Variants in TRIO observed in about 807,000 individuals in gnomAD.
The protein encoded by TRIO is trio Rho guanine nucleotide exchange factor.
TRIO carries 58 observed loss-of-function variants against 351.9 expected under a neutral mutation model. The observed-to-expected ratio is 0.16, with a 90% CI of 0.13 to 0.21. The LOEUF (loss-of-function observed/expected upper bound fraction) is 0.21. Ranked by LOEUF, TRIO falls within the 10% of genes least tolerant of loss-of-function variation. The pLI, the probability that TRIO is intolerant of heterozygous loss-of-function variation, is 1.00. For synonymous variants in TRIO, 1,758 were observed against 1,595.7 expected (o/e 1.10, Z -2.42); for missense variants, 3,201 against 4,027.8 (o/e 0.79, Z 5.56).
rs1194719957 is a variant in TRIO at position 14,492,673 on chromosome 5, T to C, written c.7739T>C (p.Ile2580Thr). ...INVYQGEVVQ[I>T]LASNQQNMFL... is the part of the protein sequence containing the mutation. ...GTCTACCAAGGAGAGGTCGTTCAAA[T>C]TCTGGCCAGCAACCAGCAGAACATG... is the stretch of plus-strand genomic sequence containing the variant. The change falls in exon 49 of 57, where the codon ATT (isoleucine) becomes ACT (threonine). Residue 2580 changes from isoleucine to threonine, a missense_variant. Physicochemically the swap from Ile to Thr is moderately conservative, Grantham distance 89 (BLOSUM62 -1). Coordinates refer to ENST00000344204, the MANE Select transcript of TRIO (RefSeq NM_007118.4). 6.2e-7 allele frequency: 1 copy of C among 1,614,210 alleles called. No individual in the cohort carries two copies. The highest frequency in any genetic ancestry group is 1.7e-5 in the Admixed American group (1 of 60,028).
chr5:14,293,608 G>T (rs1737093158), intron 6 of TRIO, among the ~76,000 whole-genome samples: 1 of 152,204 alleles, frequency 6.6e-6, no homozygotes, highest in Non-Finnish European at 1.5e-5. Flanking sequence ...CTGGAGGACT[G>T]GGATCTGGCC....
intron 1 of TRIO, among the ~76,000 whole-genome samples, chr5:14,256,652 T>G (rs1338147252): frequency 6.6e-6 from 1 of 152,236 alleles, no homozygotes; most frequent in Admixed American, 6.5e-5. Flanking sequence ...TTAGAAGGAT[T>G]GATTAAAAAG....
chr5:14,454,303 G>A (rs1237076009), intron 34 of TRIO, among the ~76,000 whole-genome samples: 1 of 152,154 alleles, frequency 6.6e-6, no homozygotes, highest in Admixed American at 6.5e-5. Flanking sequence ...TTACATGACA[G>A]GCAGTGTTCA....
At chr5:14,465,521 T>C (rs1460705093) in intron 36 of TRIO, 24 bp from the exon 37 acceptor site, 1 of 1,588,672 alleles carries the variant, frequency 6.3e-7, no homozygotes, top group Admixed American at 1.7e-5. Flanking sequence ...CCCCACCCCC[T>C]CCTTTTCTTA....
At chr5:14,240,851 A>G (rs1298321190) in intron 1 of TRIO, among the ~76,000 whole-genome samples, 1 of 152,152 alleles carries the variant, frequency 6.6e-6, no homozygotes, top group African/African-American at 2.4e-5. Context: ...CCCCTTTTTT[A>G]ACTATTGAGA....
At chr5:14,169,085 G>A (rs541872199) in intron 1 of TRIO, among the ~76,000 whole-genome samples, 78 of 151,998 alleles carry the variant, frequency 5.1e-4, no homozygotes, top group Non-Finnish European at 8.1e-4. Context: ...GTGAATGCAT[G>A]GTTTAGGTTT....
At chr5:14,185,235 AC>A (rs540650660) in intron 1 of TRIO, among the ~76,000 whole-genome samples, 211 of 150,586 alleles carry the variant, frequency 1.4e-3, no homozygotes, top group African/African-American at 4.7e-3. Flanking sequence ...CACCCTTGAA[AC>A]CAGAACAGTG....
At chr5:14,276,484 T>C (rs1177079809) in intron 2 of TRIO, among the ~76,000 whole-genome samples, 1 of 152,270 alleles carries the variant, frequency 6.6e-6, no homozygotes, top group Non-Finnish European at 1.5e-5. Flanking sequence ...AACAGAGTTG[T>C]ATTATTTTAT....
At chr5:14,237,337 G>T (rs928091616) in intron 1 of TRIO, among the ~76,000 whole-genome samples, 1 of 152,156 alleles carries the variant, frequency 6.6e-6, no homozygotes, top group African/African-American at 2.4e-5. Flanking sequence ...TTGGATTTGG[G>T]ACATTCAACA....
In TRIO at chr5:14,462,838, C is replaced by T. The variant is rs146544278; in HGVS notation, c.5580C>T (p.Gly1860=). Residue 1860 remains glycine (G), a synonymous_variant, in exon 36 of 57, where the codon GGC becomes GGT. Coordinates refer to ENST00000344204, the MANE Select transcript of TRIO (RefSeq NM_007118.4). ...TGCAGAGCTGTGGAGAAGAGGAAGG[C>T]GAGGAGGGGGCCGACGCCGTGCCCC... The part of the protein sequence containing the change: ...SGMQSCGEEE[G]EEGADAVPLP... 1.3e-4 allele frequency: 205 copies of T among 1,613,974 alleles called. No individual in the cohort carries two copies. Among genetic ancestry groups the T allele is most frequent in the African/African-American group, 5.2e-4 (39 of 75,048 alleles).
intron 6 of TRIO, among the ~76,000 whole-genome samples, chr5:14,296,768 A>T (rs1737396870): frequency 6.6e-6 from 1 of 152,162 alleles, no homozygotes; most frequent in Non-Finnish European, 1.5e-5. Context: ...CCAAGAAGTG[A>T]GTAATAGTAT....
At chr5:14,415,495 G>C (rs779959849) in intron 33 of TRIO, among the ~76,000 whole-genome samples, 1 of 152,160 alleles carries the variant, frequency 6.6e-6, no homozygotes, top group Non-Finnish European at 1.5e-5. Flanking sequence ...GTGACAACTC[G>C]CAGTGTGAGA....
intron 1 of TRIO, among the ~76,000 whole-genome samples, chr5:14,222,770 C>T (rs1289475295): frequency 9.2e-5 from 14 of 152,192 alleles, no homozygotes; most frequent in Non-Finnish European, 1.9e-4. Context: ...TCCCACTTTT[C>T]CCTGTTTCCA....
At chr5:14,502,982 T>C (rs116235225) in intron 54 of TRIO, among the ~76,000 whole-genome samples, 3 of 152,354 alleles carry the variant, frequency 2.0e-5, no homozygotes, top group Non-Finnish European at 4.4e-5. Flanking sequence ...ACGCTTCTTG[T>C]AGTTCTTAAT....
chr5:14,165,460 G>T (rs887846944), intron 1 of TRIO, among the ~76,000 whole-genome samples: 1 of 152,168 alleles, frequency 6.6e-6, no homozygotes, highest in Non-Finnish European at 1.5e-5. Context: ...TAATCAATGC[G>T]TAGTATTCCA....
rs61737132 is a variant in TRIO, at chr5:14,291,150, G to A, written c.975G>A (p.Leu325=). The stretch of plus-strand genomic sequence containing the variant: ...GGCTGCACTCGACACGGCAGCATCT[G>A]CACCAGATGTGGCATGTGAGGAAGC... ...LDRLHSTRQH[L]HQMWHVRKLK... Residue 325 remains leucine, a synonymous_variant, in exon 5 of 57, where the codon CTG becomes CTA. Coordinates refer to ENST00000344204, the MANE Select transcript of TRIO (RefSeq NM_007118.4). 11,408 of 1,614,144 alleles carry A rather than the reference G, an allele frequency of 7.1e-3. 706 individuals carry two copies. The African/African-American group carries it at 0.13, about 19-fold the overall frequency.
Position 14,502,587 on chromosome 5 carries a change from A to G in TRIO, c.8341A>G (p.Met2781Val), listed in dbSNP as rs777324793. ...SASLRVLGPG[M>V]DGIMVTWKDN... ...TGCTGTTCTTCTTGCAGGTCCAGGG[A>G]TGGATGGGATCATGGTGACCTGGAA... Residue 2781 changes from methionine (M) to valine (V), a missense_variant, in exon 54 of 57, where the codon ATG becomes GTG. Around this residue, in one of 19 missense-constraint regions of TRIO, gnomAD observed 1,089 missense variants for 954.9 expected, o/e 1.14. Transcript: ENST00000344204. 6 of 1,614,168 alleles carry G rather than the reference A, an allele frequency of 3.7e-6. No individual in the cohort carries two copies. In the South Asian group the frequency reaches 5.5e-5, roughly 15 times the overall value.
chr5:14,381,868 G>A (rs1746136867), intron 21 of TRIO, among the ~76,000 whole-genome samples: 1 of 152,196 alleles, frequency 6.6e-6, no homozygotes, highest in Non-Finnish European at 1.5e-5. Context: ...TGCCATATGT[G>A]TGAGTAAATA....
At chr5:14,181,335 G>A (rs1789753153) in intron 1 of TRIO, among the ~76,000 whole-genome samples, 1 of 152,148 alleles carries the variant, frequency 6.6e-6, no homozygotes, top group Non-Finnish European at 1.5e-5. Context: ...TTTGGTGTTT[G>A]TTGAAACTAA....
Sources: gnomAD v4.1 joint callset for allele counts (sites outside exome capture counted in the v4.1 genomes callset) on GRCh38, gnomAD v4.1.1 for gene constraint, gnomAD v4.1.1 regional missense constraint, MANE v1.5 for transcripts, NCBI Gene and HGNC (gene_info 2026-07-23, HGNC 2026-07-21) for gene names.